Variants in ZRANB3 observed in about 807,000 individuals in gnomAD.
ZRANB3 encodes zinc finger RANBP2-type containing 3.
In ZRANB3, 125 loss-of-function variants were observed where a neutral mutation model predicts 133.8. The observed-to-expected ratio is 0.93, with a 90% CI of 0.81 to 1.08. The LOEUF (loss-of-function observed/expected upper bound fraction) is 1.08, where lower values mean the gene tolerates loss of function less well. ZRANB3 is among the 50% of genes least tolerant of loss of function. ZRANB3 has a pLI of 0.00. For synonymous variants in ZRANB3, 387 were observed against 432.7 expected (o/e 0.89, Z 1.31); for missense variants, 1,229 against 1,275.5 (o/e 0.96, Z 0.56).
At chr2:135,441,831 C>A (rs1689793141) in intron 2 of ZRANB3, among the ~76,000 whole-genome samples, 1 of 152,022 alleles carries the variant, frequency 6.6e-6, no homozygotes, top group East Asian at 1.9e-4. Context: ...CATTGGTAAG[C>A]AAAAGGCATT....
intron 6 of ZRANB3, among the ~76,000 whole-genome samples, chr2:135,341,380 T>C (rs1684655388): frequency 1.3e-5 from 2 of 149,440 alleles, no homozygotes. Flanking sequence ...TCAATACTCT[T>C]ATAATTTCCT....
intron 12 of ZRANB3, among the ~76,000 whole-genome samples, chr2:135,250,254 A>C (rs955165605): frequency 6.6e-6 from 1 of 152,160 alleles, no homozygotes; most frequent in Non-Finnish European, 1.5e-5. Flanking sequence ...TGACAGAAGA[A>C]ATTTCTAAGG....
chr2:135,266,915 T>C (rs1680275478), intron 11 of ZRANB3, among the ~76,000 whole-genome samples: 1 of 152,134 alleles, frequency 6.6e-6, no homozygotes, highest in African/African-American at 2.4e-5. Flanking sequence ...GATAAACTCT[T>C]TCAACCAACT....
intron 4 of ZRANB3, among the ~76,000 whole-genome samples, chr2:135,351,825 A>G (rs1685220980): frequency 6.6e-6 from 1 of 152,206 alleles, no homozygotes; most frequent in Non-Finnish European, 1.5e-5. Flanking sequence ...GACATTGGGT[A>G]GTTTTTCTGT....
intron 14 of ZRANB3, 91 bp from the exon 15 acceptor site, chr2:135,224,608 A>T (rs1694686821): frequency 1.3e-6 from 1 of 784,294 alleles, no homozygotes; most frequent in Admixed American, 3.0e-5. Context: ...GAACGATGAA[A>T]TAGCTATATC....
At chr2:135,431,666 T>C (rs1047853512) in intron 2 of ZRANB3, among the ~76,000 whole-genome samples, 41 of 152,130 alleles carry the variant, frequency 2.7e-4, no homozygotes, top group African/African-American at 9.2e-4. Flanking sequence ...AATGCTTGAC[T>C]AACAAAAATA....
chr2:135,520,134 A>G (rs571898679), intron 1 of ZRANB3, among the ~76,000 whole-genome samples: 3 of 148,862 alleles, frequency 2.0e-5, no homozygotes, highest in Non-Finnish European at 4.4e-5. Flanking sequence ...CTGTAATCCC[A>G]GCACTTTGGG....
chr2:135,480,547 AC>A (rs1691734901), intron 2 of ZRANB3, among the ~76,000 whole-genome samples: 9 of 152,196 alleles, frequency 5.9e-5, no homozygotes, highest in Non-Finnish European at 1.2e-4. Context: ...AATAAAAATT[AC>A]TATGAAATCT....
intron 8 of ZRANB3, among the ~76,000 whole-genome samples, chr2:135,288,828 C>G (rs2104791006): frequency 6.6e-6 from 1 of 150,994 alleles, no homozygotes; most frequent in Admixed American, 6.6e-5. Flanking sequence ...AATAGTCTAT[C>G]AACTTTGTTT....
chr2:135,315,421 T>A lies in ZRANB3; in HGVS notation c.787A>T (p.Thr263Ser). The change falls in exon 7 of 21, where the codon ACC becomes TCC. Residue 263 changes from threonine to serine, a missense_variant. Coordinates refer to ENST00000264159, the MANE Select transcript of ZRANB3 (RefSeq NM_032143.4). ...TGTCTGACTTTAGGGGGTAGCTGGG[T>A]TAAAACTTCAGTCTTTAATCTTCTA... ...MIRRLKTEVL[T>S]QLPPKVRQRI... is the part of the protein sequence containing the mutation. The A allele has an allele frequency of 6.2e-7, 1 of 1,606,324 alleles. No individual in the cohort carries two copies.
Position 135,350,156 on chromosome 2 carries a change from T to C in ZRANB3, c.419A>G (p.Lys140Arg). The change falls in exon 5 of 21, where the codon AAG (lysine) becomes AGG (arginine). Residue 140 changes from lysine (K) to arginine (R), a missense_variant. Physicochemically the swap from Lys to Arg is conservative, Grantham distance 26. Transcript: ENST00000264159. ...ATTATTCAGTGCATCTATCAAAGTC[T>C]TTGCATCTGCGGTTAAGAGACCATA... ...LGYGLLTADA[K>R]TLIDALNNQN... The C allele has an allele frequency of 6.2e-7, 1 of 1,612,264 alleles. No individual in the cohort carries two copies.
At chr2:135,401,937 T>C (rs1687750513) in intron 2 of ZRANB3, among the ~76,000 whole-genome samples, 1 of 152,224 alleles carries the variant, frequency 6.6e-6, no homozygotes, top group Admixed American at 6.5e-5. Context: ...ATAGCATCAA[T>C]TTAGCATCTG....
chr2:135,481,734 T>C (rs1398837690), intron 2 of ZRANB3, among the ~76,000 whole-genome samples: 2 of 150,852 alleles, frequency 1.3e-5, no homozygotes, highest in African/African-American at 2.5e-5. Flanking sequence ...TCTTCTAGGG[T>C]TTTTATGGTT....
chr2:135,299,876 TA>T (rs761213073), intron 8 of ZRANB3, among the ~76,000 whole-genome samples: 1 of 152,220 alleles, frequency 6.6e-6, no homozygotes, highest in Non-Finnish European at 1.5e-5. Flanking sequence ...TGAAGCCCTG[TA>T]CTATCCTATT....
At position 135,380,312 on chromosome 2, in the gene ZRANB3, C is replaced by A. The variant is rs529585509; in HGVS notation, c.180+10490G>T. Reference sequence around the variant, plus strand: ...TGAAGACAGCTCTGCACCAAGCGGACCTAATAGACATCTACAGAACTCTCC... The same window carrying A: ...TGAAGACAGCTCTGCACCAAGCGGAACTAATAGACATCTACAGAACTCTCC... On this transcript the variant is annotated intron_variant, in intron 3 of 20. Transcript: ENST00000264159. 9.9e-5 allele frequency among the ~76,000 whole-genome samples: 15 copies of A among 152,262 alleles called. No homozygotes were observed. The East Asian group carries it at 2.7e-3, about 27-fold the overall frequency.
At chr2:135,499,740 T>C (rs1197998285) in intron 2 of ZRANB3, among the ~76,000 whole-genome samples, 7 of 152,208 alleles carry the variant, frequency 4.6e-5, no homozygotes, top group South Asian at 2.1e-4. Flanking sequence ...GTGGAACTCT[T>C]AAACACTGTT....
At chr2:135,324,088 A>T (rs1222528965) in intron 6 of ZRANB3, among the ~76,000 whole-genome samples, 3 of 150,946 alleles carry the variant, frequency 2.0e-5, no homozygotes, top group African/African-American at 7.3e-5. Flanking sequence ...ATTTTTTTTT[A>T]TTATTATTAT....
chr2:135,486,800 A>G (rs978993988), intron 2 of ZRANB3, among the ~76,000 whole-genome samples: 1 of 152,218 alleles, frequency 6.6e-6, no homozygotes, highest in African/African-American at 2.4e-5. Flanking sequence ...GGCATGAGCC[A>G]CTGCACCCGG....
At chr2:135,362,331 G>A (rs982140618) in intron 3 of ZRANB3, among the ~76,000 whole-genome samples, 1 of 152,162 alleles carries the variant, frequency 6.6e-6, no homozygotes, top group Non-Finnish European at 1.5e-5. Flanking sequence ...ACTCAAGACA[G>A]AAGAGTCTAT....
Sources: gnomAD v4.1 joint callset for allele counts (sites outside exome capture counted in the v4.1 genomes callset) on GRCh38, gnomAD v4.1.1 for gene constraint, MANE v1.5 for transcripts, NCBI Gene and HGNC (gene_info 2026-07-23, HGNC 2026-07-21) for gene names.